CRK: variants seen among roughly 807,000 people sequenced by gnomAD.
CRK encodes the protein adapter molecule crk.
CRK carries 4 observed loss-of-function variants against 29.8 expected under a neutral mutation model. The observed-to-expected ratio is 0.13, with a 90% CI of 0.07 to 0.31. The LOEUF (loss-of-function observed/expected upper bound fraction) is 0.31. CRK is among the 10% of genes least tolerant of loss of function. The pLI is 1.00. For synonymous variants in CRK, 153 were observed against 164.9 expected (o/e 0.93, Z 0.55); for missense variants, 274 against 396.5 (o/e 0.69, Z 2.62).
intron 2 of CRK, among the ~76,000 whole-genome samples, chr17:1,432,791 A>G (rs545881623): frequency 8.5e-4 from 129 of 152,038 alleles, no homozygotes; most frequent in African/African-American, 2.9e-3. Context: ...AAAAAAAAAA[A>G]AGAAAAGAAG....
chr17:1,437,050 T>G lies in CRK; in HGVS notation c.347A>C (p.Glu116Ala), dbSNP rs767900527. 1 of 1,614,166 alleles carries G rather than the reference T, an allele frequency of 6.2e-7. No homozygotes were observed. Among genetic ancestry groups the G allele is most frequent in the East Asian group, 2.2e-5 (1 of 44,886 alleles). Residue 116 changes from glutamate (E) to alanine (A), a missense_variant, in exon 2 of 3, where the codon GAA becomes GCA. Physicochemically the swap from Glu to Ala is moderately radical, Grantham distance 107 (BLOSUM62 -1). Coordinates refer to ENST00000300574, the MANE Select transcript of CRK (RefSeq NM_016823.4). ...IHYLDTTTLI[E>A]PVSRSRQGSG... ...ACCCTGCCTGGATCTGGAAACTGGT[T>G]CTATCAACGTTGTAGTGTCCAAATA...
chr17:1,454,427 C>T (rs1432093951), intron 1 of CRK, among the ~76,000 whole-genome samples: 1 of 152,080 alleles, frequency 6.6e-6, no homozygotes. Flanking sequence ...GTAATCCCAG[C>T]TACTTGGGAG....
At position 1,432,134 on chromosome 17, in the gene CRK, T is replaced by C. The variant is rs77897291; in HGVS notation, c.777+4486A>G. On this transcript the variant is annotated intron_variant, in intron 2 of 2. Transcript: ENST00000300574. ...GCCTCCTCATCCTGTAACACATTCT[T>C]AGGAGCTTCTTACAGCTCTGTGGGA... 7.9e-5 allele frequency among the ~76,000 whole-genome samples: 12 copies of C among 152,254 alleles called. No individual in the cohort carries two copies. The East Asian group carries it at 2.3e-3, about 29-fold the overall frequency.
chr17:1,428,264 G>A (rs1047522221), intron 2 of CRK, among the ~76,000 whole-genome samples: 3 of 143,492 alleles, frequency 2.1e-5, no homozygotes, highest in Non-Finnish European at 4.6e-5. Context: ...GACTACAGGC[G>A]CCCGCCACCA....
intron 1 of CRK, among the ~76,000 whole-genome samples, chr17:1,442,132 G>C (rs1052790389): frequency 2.0e-5 from 3 of 149,156 alleles, no homozygotes; most frequent in African/African-American, 7.4e-5. Context: ...GCTGGGTTTA[G>C]AGGTGTGAGC....
In CRK at chr17:1,423,695, T is replaced by A. The variant is rs755126281; in HGVS notation, c.778-45A>T. 3 of 1,608,422 alleles carry A rather than the reference T, an allele frequency of 1.9e-6. No homozygotes were observed. In the East Asian group the frequency reaches 6.7e-5, roughly 36 times the overall value. On this transcript the variant is annotated intron_variant, in intron 2 of 2. Transcript: ENST00000300574. ...AGAGCACTTTATTTCCAGGTAGGAA[T>A]GCAAGCTGAACAACTCCATTCTCTG... is the stretch of plus-strand genomic sequence containing the variant.
chr17:1,444,179 G>T (rs1478424648), intron 1 of CRK, among the ~76,000 whole-genome samples: 1 of 152,094 alleles, frequency 6.6e-6, no homozygotes, highest in African/African-American at 2.4e-5. Context: ...CTAAACTGCA[G>T]TAGCTATGCA....
At chr17:1,426,146 G>C (rs1040953742) in intron 2 of CRK, 2 of 152,260 alleles carry the variant, frequency 1.3e-5, no homozygotes, top group African/African-American at 4.8e-5. Flanking sequence ...GGAGGTCAAG[G>C]CTGCCCCCTA....
chr17:1,447,208 G>A (rs1217522901), intron 1 of CRK, among the ~76,000 whole-genome samples: 1 of 152,096 alleles, frequency 6.6e-6, no homozygotes, highest in East Asian at 1.9e-4. Context: ...GAAATAGAAG[G>A]GCGGGAAAGG....
At chr17:1,447,981 G>C (rs1161636169) in intron 1 of CRK, among the ~76,000 whole-genome samples, 1 of 152,018 alleles carries the variant, frequency 6.6e-6, no homozygotes, top group African/African-American at 2.4e-5. Flanking sequence ...GTATTTACAG[G>C]GGTTGCTTAG....
chr17:1,424,584 A>AC (rs1236572945), intron 2 of CRK: 1 of 149,180 alleles, frequency 6.7e-6, no homozygotes. Flanking sequence ...CTCCCAGAAA[A>AC]CCCCCACCTC....
At chr17:1,426,789 G>C (rs1178302086) in intron 2 of CRK, among the ~76,000 whole-genome samples, 3 of 152,022 alleles carry the variant, frequency 2.0e-5, no homozygotes, top group Admixed American at 6.6e-5. Flanking sequence ...TTGAACCTGG[G>C]AAGAGGAGGT....
At chr17:1,432,322 C>G (rs1403312891) in intron 2 of CRK, among the ~76,000 whole-genome samples, 1 of 150,932 alleles carries the variant, frequency 6.6e-6, no homozygotes, top group African/African-American at 2.4e-5. Context: ...AATCCCATCT[C>G]TACTAAAAAT....
intron 2 of CRK, among the ~76,000 whole-genome samples, chr17:1,432,047 C>T (rs1230241289): frequency 6.6e-6 from 1 of 152,180 alleles, no homozygotes; most frequent in Non-Finnish European, 1.5e-5. Flanking sequence ...GACCTCACTA[C>T]AGCAAAGAGA....
At chr17:1,452,395 G>T (rs964487389) in intron 1 of CRK, among the ~76,000 whole-genome samples, 7 of 152,122 alleles carry the variant, frequency 4.6e-5, no homozygotes, top group Non-Finnish European at 1.0e-4. Flanking sequence ...AAAAATTCAA[G>T]AAATTTCTCT....
In CRK at chr17:1,423,258, C is replaced by T. The variant is rs2073745206; in HGVS notation, c.*255G>A. On this transcript the variant is annotated 3_prime_UTR_variant, in exon 3 of 3. Transcript: ENST00000300574. ...AAAGGAGGCAAGATACCTATCCCTT[C>T]TGATACACACAGGCACGACCACTAC... 1.8e-6 allele frequency: 1 copy of T among 545,498 alleles called. No individual in the cohort carries two copies. The highest frequency in any genetic ancestry group is 3.2e-6 in the Non-Finnish European group (1 of 311,026). 33.8% of individuals were successfully genotyped at this position (545,498 alleles called of 1,614,324 possible).
intron 1 of CRK, among the ~76,000 whole-genome samples, chr17:1,452,967 G>A (rs2150915417): frequency 6.6e-6 from 1 of 152,222 alleles, no homozygotes; most frequent in Non-Finnish European, 1.5e-5. Flanking sequence ...CAGTTAACCA[G>A]GCATGGTGGA....
intron 2 of CRK, among the ~76,000 whole-genome samples, chr17:1,425,796 TAC>T (rs1164718681): frequency 6.6e-6 from 1 of 152,076 alleles, no homozygotes; most frequent in Non-Finnish European, 1.5e-5. Flanking sequence ...CTCTAAAAAT[TAC>T]AGAGGCCTGA....
intron 1 of CRK, among the ~76,000 whole-genome samples, chr17:1,455,425 G>C (rs571296992): frequency 6.6e-6 from 1 of 152,302 alleles, no homozygotes; most frequent in Non-Finnish European, 1.5e-5. Flanking sequence ...GCCACCAGGG[G>C]AGCACGGCCA....
Sources: allele counts gnomAD v4.1 joint callset (sites outside exome capture counted in the v4.1 genomes callset), GRCh38; gene constraint gnomAD v4.1.1; transcripts MANE v1.5; gene names NCBI Gene and HGNC (gene_info 2026-07-23, HGNC 2026-07-21).